The following VPS54 variants were observed in gnomAD, a reference collection of about 807,000 sequenced individuals.
The protein encoded by VPS54 is vacuolar protein sorting-associated protein 54.
Under a neutral mutation model 121.5 loss-of-function variants are expected in VPS54, and 45 were observed. The observed-to-expected ratio is 0.37, with a 90% CI of 0.29 to 0.47. The LOEUF (loss-of-function observed/expected upper bound fraction) is 0.47. Ranked by LOEUF, VPS54 falls within the 20% of genes least tolerant of loss-of-function variation. VPS54 has a pLI of 0.99. For missense variants in VPS54, 1,090 were observed against 1,131.4 expected, an observed-to-expected ratio of 0.96 and a Z score of 0.52; for synonymous variants, 371 against 385.8, an observed-to-expected ratio of 0.96 and a Z score of 0.45.
chr2:63,960,842 T>G (rs1165917638), intron 7 of VPS54, among the ~76,000 whole-genome samples: 2 of 152,208 alleles, frequency 1.3e-5, no homozygotes, highest in East Asian at 3.8e-4. Flanking sequence ...GAATTCAAAG[T>G]AGACTTCAAA....
chr2:63,899,538 A>G lies in VPS54; in HGVS notation c.2669T>C (p.Ile890Thr). 1 of 1,613,888 alleles carries G rather than the reference A, an allele frequency of 6.2e-7. No homozygotes were observed. The highest frequency in any genetic ancestry group is 8.5e-7 in the Non-Finnish European group (1 of 1,179,968). Residue 890 changes from isoleucine to threonine, a missense_variant, in exon 21 of 23, where the codon ATT (isoleucine) becomes ACT (threonine). Coordinates refer to ENST00000272322, the MANE Select transcript of VPS54 (RefSeq NM_016516.3). ...APVPSACFRNICKQMTKMHEA... is the reference protein window; with the variant it reads ...APVPSACFRNTCKQMTKMHEA... ...GTGCATTTTTGTCATTTGCTTACAA[A>G]TATTCCTGAAACAGGCAGAAGGAAC...
intron 1 of VPS54, among the ~76,000 whole-genome samples, chr2:63,985,357 T>C (rs1676999728): frequency 6.6e-6 from 1 of 152,018 alleles, no homozygotes; most frequent in Non-Finnish European, 1.5e-5. Flanking sequence ...GGAGCAGAGA[T>C]ATGAGGCAAG....
rs189662504 is a variant in VPS54 at position 63,998,995 on chromosome 2, G to A, written c.-20-14976C>T. ...AGAGTCTCACTCTGTCACCCAGGCT[G>A]GAGTGCGGTGGCACCATCTTGGCTC... On this transcript the variant is annotated intron_variant, in intron 1 of 22. Transcript: ENST00000272322. 4.7e-4 allele frequency among the ~76,000 whole-genome samples: 71 copies of A among 152,138 alleles called. No individual in the cohort carries two copies. In the Middle Eastern group the frequency reaches 0.014, roughly 29 times the overall value.
In VPS54 at chr2:63,985,901, G is replaced by C. The variant is rs116371387; in HGVS notation, c.-20-1882C>G. 6.5e-3 allele frequency among the ~76,000 whole-genome samples: 992 copies of C among 152,250 alleles called. 8 individuals carry two copies. Among genetic ancestry groups the C allele is most frequent in the Non-Finnish European group, 6.5e-3 (439 of 68,022 alleles). ...TGTATAAAAGTTTACACATATTTAA[G>C]AGAGATAAACATGTATCTTTATCTA... On this transcript the variant is annotated intron_variant, in intron 1 of 22. Transcript: ENST00000272322.
Position 63,913,256 on chromosome 2 carries a change from C to G in VPS54, c.2389G>C (p.Val797Leu). 6.2e-7 allele frequency: 1 copy of G among 1,610,932 alleles called. No homozygotes were observed. Among genetic ancestry groups the G allele is most frequent in the African/African-American group, 1.3e-5 (1 of 74,854 alleles). The change falls in exon 18 of 23, where the codon GTT (valine) becomes CTT (leucine). Residue 797 changes from valine (V) to leucine (L), a missense_variant. By Grantham distance (32) the Val-to-Leu change is conservative. This residue lies in a region of VPS54 where 289 missense variants were observed against 374.4 expected (regional missense o/e 0.77). Transcript: ENST00000272322. ...TTTGTAGTTATCGTTTTTAGTCCAA[C>G]AACTTGCAGTGCACCAGCTCCAAGA... ...LVLGAGALQV[V>L]GLKTITTKNL...
intron 20 of VPS54, among the ~76,000 whole-genome samples, chr2:63,906,743 T>C (rs1007333895): frequency 2.0e-5 from 3 of 152,232 alleles, no homozygotes; most frequent in African/African-American, 7.2e-5. Context: ...TATACCTTGT[T>C]TGTGGATCAG....
At chr2:63,917,042 C>A in intron 15 of VPS54, 79 bp from the exon 16 acceptor site, 2 of 1,400,350 alleles carry the variant, frequency 1.4e-6, no homozygotes, top group East Asian at 4.7e-5. Context: ...AAGATAATTC[C>A]TGTTTAAGGC....
At chr2:63,998,405 C>T (rs1013022809) in intron 1 of VPS54, among the ~76,000 whole-genome samples, 3 of 152,118 alleles carry the variant, frequency 2.0e-5, no homozygotes, top group African/African-American at 7.2e-5. Flanking sequence ...AACTTACATT[C>T]AATATTATTA....
chr2:64,016,426 C>T (rs6755620), intron 1 of VPS54, among the ~76,000 whole-genome samples: 4,569 of 152,026 alleles, frequency 0.03, 240 homozygotes, highest in African/African-American at 0.11. Flanking sequence ...ATGAAAGGCC[C>T]ACATTAGGCC....
In VPS54 at chr2:63,892,180, T is replaced by C. The variant is rs779841348; in HGVS notation, c.*1250A>G. On this transcript the variant is annotated 3_prime_UTR_variant, in exon 23 of 23. Coordinates refer to ENST00000272322, the MANE Select transcript of VPS54 (RefSeq NM_016516.3). ...TTTTTACAGCTTTATTTTAGACAGA[T>C]AGTTTAAGAACCAAAGACATACCTC... The C allele has an allele frequency of 1.1e-4, 16 of 152,148 alleles. No homozygotes were observed. Among genetic ancestry groups the C allele is most frequent in the Non-Finnish European group, 1.8e-4 (12 of 68,016 alleles). The allele number at this position is 152,148 out of a possible 1,614,324, so 9.4% of individuals were successfully genotyped here.
intron 11 of VPS54, 105 bp downstream of exon 11, chr2:63,942,360 A>G (rs939845302): frequency 7.6e-6 from 6 of 784,622 alleles, no homozygotes; most frequent in African/African-American, 1.8e-5. Context: ...ACAAAAACAA[A>G]GAAACTGTGT....
chr2:63,944,308 G>A (rs1409511199), intron 10 of VPS54, among the ~76,000 whole-genome samples: 2 of 151,714 alleles, frequency 1.3e-5, no homozygotes. Flanking sequence ...AGGAGTAAAG[G>A]TACCTACTCC....
At chr2:63,910,314 T>A (rs1435974721) in intron 20 of VPS54, among the ~76,000 whole-genome samples, 1 of 152,196 alleles carries the variant, frequency 6.6e-6, no homozygotes, top group Non-Finnish European at 1.5e-5. Flanking sequence ...AACATTATGT[T>A]ATAAAAGCCT....
At chr2:63,994,150 C>T (rs1258822524) in intron 1 of VPS54, among the ~76,000 whole-genome samples, 1 of 152,162 alleles carries the variant, frequency 6.6e-6, no homozygotes. Flanking sequence ...CTGATGGCAA[C>T]ACAGACCCAT....
intron 2 of VPS54, 51 bp downstream of exon 2, chr2:63,983,813 A>C (rs373140837): frequency 6.5e-7 from 1 of 1,544,306 alleles, no homozygotes; most frequent in African/African-American, 1.4e-5. Flanking sequence ...CTACTCATTT[A>C]AAGATAATAG....
intron 21 of VPS54, 129 bp from the exon 22 acceptor site, chr2:63,897,719 C>T: frequency 1.8e-6 from 1 of 559,678 alleles, no homozygotes; most frequent in Non-Finnish European, 3.0e-6. Context: ...TTTTAAAATC[C>T]TCCTCTGAAA....
At chr2:63,975,104 G>T in intron 3 of VPS54, 2 of 1,440,150 alleles carry the variant, frequency 1.4e-6, no homozygotes, top group Non-Finnish European at 1.9e-6. Flanking sequence ...GTAGTGCAGT[G>T]GCGTGATCTT....
chr2:63,961,324 T>C (rs1675759009), intron 7 of VPS54, among the ~76,000 whole-genome samples: 1 of 152,204 alleles, frequency 6.6e-6, no homozygotes, highest in Non-Finnish European at 1.5e-5. Flanking sequence ...AGATTTATAA[T>C]TCAATTAAAA....
intron 20 of VPS54, among the ~76,000 whole-genome samples, chr2:63,909,996 G>A (rs1319643276): frequency 6.6e-6 from 1 of 152,056 alleles, no homozygotes; most frequent in African/African-American, 2.4e-5. Flanking sequence ...CAAAAGTGCT[G>A]GGATTACAGG....
Sources: allele counts gnomAD v4.1 joint callset (sites outside exome capture counted in the v4.1 genomes callset), GRCh38; gene constraint gnomAD v4.1.1; regional missense constraint gnomAD v4.1.1; transcripts MANE v1.5; gene names NCBI Gene and HGNC (gene_info 2026-07-23, HGNC 2026-07-21).